Variants in ARID1B observed in about 807,000 individuals in gnomAD.
The protein encoded by ARID1B is AT-rich interaction domain 1B, also known as AT-rich interactive domain-containing protein 1B.
ARID1B carries 30 observed loss-of-function variants against 212.3 expected under a neutral mutation model. The observed-to-expected ratio is 0.14, with a 90% confidence interval of 0.11 to 0.19. The LOEUF (loss-of-function observed/expected upper bound fraction) is 0.19, where lower values mean the gene tolerates loss of function less well. ARID1B is among the 10% of genes least tolerant of loss of function. The probability of loss-of-function intolerance (pLI) is 1.00; values close to 1 mark genes in which losing one functional copy is unlikely to be tolerated. For synonymous variants in ARID1B, 1,402 were observed against 1,301.7 expected, an observed-to-expected ratio of 1.08 and a Z score of -1.66; for missense variants, 2,891 against 3,204.0, an observed-to-expected ratio of 0.90 and a Z score of 2.36.
chr6:157,159,753 AAAC>A (rs1790810950), intron 8 of ARID1B, among the ~76,000 whole-genome samples: 1 of 152,234 alleles, frequency 6.6e-6, no homozygotes, highest in Non-Finnish European at 1.5e-5. Flanking sequence ...AATGCTTTGA[AAAC>A]AAGAGGCCCT....
chr6:157,079,563 G>A (rs116912930), intron 4 of ARID1B, among the ~76,000 whole-genome samples: 3,246 of 152,302 alleles, frequency 0.021, 256 homozygotes, highest in Admixed American at 0.15. Flanking sequence ...AGAATCTAAT[G>A]ACACTGGATA....
At chr6:157,020,924 G>A (rs1037007245) in intron 4 of ARID1B, among the ~76,000 whole-genome samples, 2 of 152,152 alleles carry the variant, frequency 1.3e-5, no homozygotes, top group East Asian at 3.8e-4. Flanking sequence ...CAATATTAAT[G>A]GCCGAAGGAA....
intron 3 of ARID1B, among the ~76,000 whole-genome samples, chr6:156,913,321 A>C (rs368083711): frequency 6.6e-6 from 1 of 151,174 alleles, no homozygotes; most frequent in Non-Finnish European, 1.5e-5. Context: ...GGTTCAAGCA[A>C]TTCTCCTGCC....
At chr6:157,105,515 A>G (rs941193503) in intron 5 of ARID1B, among the ~76,000 whole-genome samples, 1 of 152,244 alleles carries the variant, frequency 6.6e-6, no homozygotes, top group African/African-American at 2.4e-5. Context: ...GACTTGAACA[A>G]ACAATTCACA....
chr6:157,044,451 A>G (rs1782090321), intron 4 of ARID1B, among the ~76,000 whole-genome samples: 1 of 152,230 alleles, frequency 6.6e-6, no homozygotes, highest in African/African-American at 2.4e-5. Context: ...AGGATTTATC[A>G]TACTGGCTAA....
chr6:157,021,492 G>T (rs901933425), intron 4 of ARID1B, among the ~76,000 whole-genome samples: 1 of 152,188 alleles, frequency 6.6e-6, no homozygotes, highest in African/African-American at 2.4e-5. Context: ...CTTTCGGCCC[G>T]ACCCGGGCGG....
intron 6 of ARID1B, among the ~76,000 whole-genome samples, chr6:157,117,491 T>G (rs941052486): frequency 6.6e-6 from 1 of 152,190 alleles, no homozygotes; most frequent in South Asian, 2.1e-4. Flanking sequence ...ATCTTTCTCT[T>G]ACCTTTTCCT....
chr6:156,867,451 A>G (rs1342993663), intron 2 of ARID1B, among the ~76,000 whole-genome samples: 2 of 152,204 alleles, frequency 1.3e-5, no homozygotes, highest in African/African-American at 4.8e-5. Context: ...TGTGAGAGGC[A>G]TGATAAGTAC....
intron 1 of ARID1B, among the ~76,000 whole-genome samples, chr6:156,819,056 T>A (rs1782175533): frequency 6.6e-6 from 1 of 152,174 alleles, no homozygotes; most frequent in South Asian, 2.1e-4. Flanking sequence ...TTAACTGAGG[T>A]GCAAGGAAGT....
chr6:156,857,699 A>G (rs1016223651), intron 2 of ARID1B, among the ~76,000 whole-genome samples: 1 of 152,270 alleles, frequency 6.6e-6, no homozygotes, highest in Non-Finnish European at 1.5e-5. Context: ...TGCATTGGAA[A>G]TATACAGTCA....
At chr6:156,959,723 T>A (rs1794229475) in intron 4 of ARID1B, among the ~76,000 whole-genome samples, 1 of 152,128 alleles carries the variant, frequency 6.6e-6, no homozygotes, top group Non-Finnish European at 1.5e-5. Context: ...TTTAAATATA[T>A]GACCAGTTTT....
At chr6:156,922,444 A>T (rs1165576962) in intron 3 of ARID1B, among the ~76,000 whole-genome samples, 3 of 152,124 alleles carry the variant, frequency 2.0e-5, no homozygotes, top group African/African-American at 7.2e-5. Flanking sequence ...AGGTGTTGGG[A>T]TTACAGGGTG....
intron 4 of ARID1B, among the ~76,000 whole-genome samples, chr6:157,080,561 C>T (rs1176874222): frequency 5.3e-5 from 8 of 152,158 alleles, no homozygotes; most frequent in Admixed American, 5.2e-4. Context: ...TGGGATGTCC[C>T]ATCTTTATTC....
chr6:157,024,599 T>G (rs182012811), intron 4 of ARID1B: 1 of 152,220 alleles, frequency 6.6e-6, no homozygotes, highest in South Asian at 2.1e-4. Flanking sequence ...CCATCTCTAC[T>G]TAAAAAACAA....
chr6:157,056,601 A>G (rs1782968782), intron 4 of ARID1B, among the ~76,000 whole-genome samples: 1 of 152,186 alleles, frequency 6.6e-6, no homozygotes, highest in South Asian at 2.1e-4. Flanking sequence ...TCCTTCCAGT[A>G]GTTATGTTTG....
rs774840490 is a variant in ARID1B, at chr6:157,189,797, C to G, written c.4058+17C>G. 9.3e-6 allele frequency: 15 copies of G among 1,612,616 alleles called. No homozygotes were observed. The South Asian group carries it at 1.7e-4, about 18-fold the overall frequency. On this transcript the variant is annotated intron_variant, in intron 14 of 19. Coordinates refer to ENST00000636930, the MANE Select transcript of ARID1B (RefSeq NM_001374828.1). ...AGGTGGAAGGTATGTTCAAATAACT[C>G]TGTGAGGCATACAAAGTCACATTTG...
chr6:156,824,539 C>T (rs1162594858), intron 1 of ARID1B, among the ~76,000 whole-genome samples: 3 of 152,072 alleles, frequency 2.0e-5, no homozygotes, highest in Non-Finnish European at 4.4e-5. Flanking sequence ...TCGAGGCAGG[C>T]GAATCACTTG....
At chr6:156,971,682 T>A (rs1224319612) in intron 4 of ARID1B, among the ~76,000 whole-genome samples, 1 of 152,128 alleles carries the variant, frequency 6.6e-6, no homozygotes, top group Non-Finnish European at 1.5e-5. Flanking sequence ...TTGTGGGGGT[T>A]CCTCTTCCAA....
intron 4 of ARID1B, among the ~76,000 whole-genome samples, chr6:157,007,598 A>G (rs950270265): frequency 1.7e-4 from 26 of 152,246 alleles, no homozygotes; most frequent in Non-Finnish European, 3.5e-4. Flanking sequence ...AATAGAAAGT[A>G]GAGAATTATA....
Sources: allele counts gnomAD v4.1 joint callset (sites outside exome capture counted in the v4.1 genomes callset), GRCh38; gene constraint gnomAD v4.1.1; transcripts MANE v1.5; gene names NCBI Gene and HGNC (gene_info 2026-07-23, HGNC 2026-07-21).